Variants in RNASE10 observed in about 807,000 individuals in gnomAD.
RNASE10 encodes the protein inactive ribonuclease-like protein 10.
Under a neutral mutation model 1.1 loss-of-function variants are expected in RNASE10, and 2 were observed. The observed-to-expected ratio is 1.82, with a 90% CI of 0.74 to 5.73. RNASE10 has a LOEUF of 5.73. Ranked by LOEUF, RNASE10 falls within the 30% of genes most tolerant of loss-of-function variation. RNASE10 has a pLI of 0.05. For synonymous variants in RNASE10, 97 were observed against 96.2 expected, an observed-to-expected ratio of 1.01 and a Z score of -0.05; for missense variants, 276 against 263.4, an observed-to-expected ratio of 1.05 and a Z score of -0.33.
exon 2 of RNASE10, chr14:20,510,876 A>G (rs761029673): frequency 6.2e-7 from 1 of 1,614,210 alleles, no homozygotes; most frequent in East Asian, 2.2e-5. Flanking sequence ...AGAGTTGCAT[A>G]GCCCAGTATG....
downstream of RNASE10, among the ~76,000 whole-genome samples, chr14:20,512,020 G>C (rs1034422547): frequency 2.6e-5 from 4 of 152,046 alleles, no homozygotes; most frequent in South Asian, 4.2e-4. Flanking sequence ...GGAGTTAGAG[G>C]GGGGTGGGTC....
At chr14:20,505,032 A>G (rs1021248591), upstream of RNASE10, among the ~76,000 whole-genome samples, 6 of 152,018 alleles carry the variant, frequency 3.9e-5, no homozygotes, top group Non-Finnish European at 5.9e-5. Context: ...GAGCAGAAGT[A>G]ACTCTGGCAA....
At position 20,505,789 on chromosome 14, in the gene RNASE10, G is replaced by A. The variant is rs1222127261; in HGVS notation, c.-152G>A. The A allele has an allele frequency of 4.9e-5, 5 of 102,732 alleles. 1 individual carries two copies. Among genetic ancestry groups the A allele is most frequent in the South Asian group, 5.0e-4 (2 of 4,038 alleles). 6.4% of individuals were successfully genotyped at this position (102,732 alleles called of 1,614,324 possible). ...CCTGGCCGCCCATCGTCTGGGATAC[G>A]AGGAGCCTCTCTGCCTGGCTGCCCA... On this transcript the variant is annotated 5_prime_UTR_variant, in exon 1 of 2. Coordinates refer to ENST00000430083, the Ensembl canonical transcript of RNASE10.
chr14:20,510,605 G>A lies in RNASE10; in HGVS notation c.218G>A (p.Trp73Ter). The A allele has an allele frequency of 6.2e-7, 1 of 1,614,076 alleles. No homozygotes were observed. Among genetic ancestry groups the A allele is most frequent in the Non-Finnish European group, 8.5e-7 (1 of 1,180,020 alleles). ...AGTGATCAACCGCTCAATGAATTTT[G>A]GTCCAGTGACTCACAGGACAAAGCT... The change falls in exon 2 of 2, where the codon TGG becomes TAG. Residue 73 changes from tryptophan to a stop codon, truncating the protein, a stop_gained. Transcript: ENST00000430083. LOFTEE classifies it low-confidence loss of function (END_TRUNC).
At chr14:20,506,792 C>T (rs1594439879) in intron 1 of RNASE10, among the ~76,000 whole-genome samples, 4 of 128,450 alleles carry the variant, frequency 3.1e-5, no homozygotes, top group Admixed American at 7.4e-5. Flanking sequence ...CCCGGCCAGC[C>T]GCCCCGTCCG....
intron 1 of RNASE10, among the ~76,000 whole-genome samples, chr14:20,507,067 G>A (rs1365180779): frequency 1.3e-5 from 2 of 150,870 alleles, no homozygotes; most frequent in African/African-American, 2.4e-5. Context: ...CCCCTACTGG[G>A]AAGTGAGGAG....
At chr14:20,507,146 A>C (rs1480657605) in intron 1 of RNASE10, among the ~76,000 whole-genome samples, 1 of 147,798 alleles carries the variant, frequency 6.8e-6, no homozygotes, top group African/African-American at 2.5e-5. Context: ...GGCCATGATG[A>C]CAATGGCGGT....
chr14:20,510,919 G>C, exon 2 of RNASE10: 1 of 1,614,026 alleles, frequency 6.2e-7, no homozygotes, highest in Non-Finnish European at 8.5e-7. Context: ...CACAGTCAAA[G>C]CTGTCTGTAA....
chr14:20,513,262 C>T (rs1340703459), downstream of RNASE10, among the ~76,000 whole-genome samples: 3 of 151,986 alleles, frequency 2.0e-5, no homozygotes, highest in Non-Finnish European at 2.9e-5. Flanking sequence ...CGTAGACTAT[C>T]GCAGGAAAGC....
rs544994248 is a variant in RNASE10, at chr14:20,508,556, G to A, written c.80-1911G>A. On this transcript the variant is annotated intron_variant, in intron 1 of 1. Transcript: ENST00000430083. Reference sequence around the variant, plus strand: ...GTTCACATAACCCTTATTTTACCTAGTAATAGCCGCAAAGTGCAAGAATGA... The same window carrying A: ...GTTCACATAACCCTTATTTTACCTAATAATAGCCGCAAAGTGCAAGAATGA... 5.7e-4 allele frequency among the ~76,000 whole-genome samples: 86 copies of A among 152,170 alleles called. 1 individual carries two copies. Among genetic ancestry groups the A allele is most frequent in the African/African-American group, 2.0e-3 (85 of 41,486 alleles).
chr14:20,507,910 G>C (rs1056457715), intron 1 of RNASE10, among the ~76,000 whole-genome samples: 1 of 151,864 alleles, frequency 6.6e-6, no homozygotes, highest in Admixed American at 6.6e-5. Flanking sequence ...ACCAAGCCAG[G>C]CTAATTTTTT....
chr14:20,504,746 G>A (rs575047256), upstream of RNASE10, among the ~76,000 whole-genome samples: 1 of 140,798 alleles, frequency 7.1e-6, no homozygotes, highest in East Asian at 2.0e-4. Context: ...AAGAACTCCA[G>A]GCGCAGACAG....
chr14:20,511,014 C>T (rs1237090654), exon 2 of RNASE10: 6 of 1,585,446 alleles, frequency 3.8e-6, no homozygotes, highest in Non-Finnish European at 5.2e-6. Context: ...GCGAGCTGTC[C>T]CAACCAGACC....
intron 1 of RNASE10, among the ~76,000 whole-genome samples, chr14:20,506,841 C>T (rs1474887478): frequency 1.2e-4 from 14 of 117,410 alleles, no homozygotes; most frequent in Middle Eastern, 6.0e-3. Flanking sequence ...CCTGGCCAGC[C>T]GCCCCGTCCG....
downstream of RNASE10, among the ~76,000 whole-genome samples, chr14:20,513,002 G>A (rs1882934286): frequency 6.6e-6 from 1 of 152,192 alleles, no homozygotes; most frequent in African/African-American, 2.4e-5. Flanking sequence ...AAATGTGAAA[G>A]ATCTCCATTG....
At chr14:20,504,832 G>A (rs929722877), upstream of RNASE10, among the ~76,000 whole-genome samples, 1 of 151,676 alleles carries the variant, frequency 6.6e-6, no homozygotes, top group African/African-American at 2.4e-5. Context: ...AAAGACAAGG[G>A]AGCACTCACC....
chr14:20,506,856 G>A (rs1457348091), intron 1 of RNASE10, among the ~76,000 whole-genome samples: 1 of 126,038 alleles, frequency 7.9e-6, no homozygotes, highest in East Asian at 2.4e-4. Context: ...CGTCCGGGAG[G>A]TGAGGGGCGC....
At chr14:20,510,881 A>C (rs750096507) in exon 2 of RNASE10, 1 of 1,614,142 alleles carries the variant, frequency 6.2e-7, no homozygotes, top group Non-Finnish European at 8.5e-7. Context: ...TGCATAGCCC[A>C]GTATGCATTC....
At chr14:20,511,523 G>C (rs972969859), downstream of RNASE10, among the ~76,000 whole-genome samples, 4 of 152,104 alleles carry the variant, frequency 2.6e-5, no homozygotes, top group Admixed American at 1.3e-4. Flanking sequence ...AAGACTCTTG[G>C]GTTTTGCACA....
Sources: gnomAD v4.1 joint callset for allele counts (sites outside exome capture counted in the v4.1 genomes callset) on GRCh38, gnomAD v4.1.1 for gene constraint, MANE v1.5 for transcripts, NCBI Gene and HGNC (gene_info 2026-07-23, HGNC 2026-07-21) for gene names.